NKAIN2: variants seen among roughly 807,000 people sequenced by gnomAD.
The protein encoded by NKAIN2 is sodium/potassium-transporting ATPase subunit beta-1-interacting protein 2.
A neutral mutation model predicts 32.6 loss-of-function variants in NKAIN2; 14 were observed. That is an observed-to-expected ratio of 0.43 (90% CI 0.28 to 0.67). The LOEUF (loss-of-function observed/expected upper bound fraction) is 0.67. Ranked by LOEUF, NKAIN2 falls within the 30% of genes least tolerant of loss-of-function variation. The pLI, the probability that NKAIN2 is intolerant of heterozygous loss-of-function variation, is 0.17. For synonymous variants in NKAIN2, 80 were observed against 87.2 expected, an observed-to-expected ratio of 0.92 and a Z score of 0.46; for missense variants, 198 against 258.3, an observed-to-expected ratio of 0.77 and a Z score of 1.60.
At chr6:124,804,723 G>A (rs1242705162) in intron 5 of NKAIN2, among the ~76,000 whole-genome samples, 1 of 152,218 alleles carries the variant, frequency 6.6e-6, no homozygotes, top group African/African-American at 2.4e-5. Flanking sequence ...AGGGATCAGG[G>A]AGTTCCCTTT....
At chr6:123,934,482 C>T (rs1282256782) in intron 1 of NKAIN2, among the ~76,000 whole-genome samples, 2 of 152,156 alleles carry the variant, frequency 1.3e-5, no homozygotes, top group East Asian at 3.9e-4. Context: ...GACTTAGGTT[C>T]TAGCCATTTA....
At chr6:124,356,136 G>C (rs752033981) in intron 3 of NKAIN2, among the ~76,000 whole-genome samples, 1 of 152,104 alleles carries the variant, frequency 6.6e-6, no homozygotes, top group Non-Finnish European at 1.5e-5. Flanking sequence ...CCCTGTATTA[G>C]AGCAGAAGGC....
At chr6:124,162,170 G>A (rs373848046) in intron 1 of NKAIN2, among the ~76,000 whole-genome samples, 14 of 151,974 alleles carry the variant, frequency 9.2e-5, no homozygotes, top group South Asian at 8.3e-4. Context: ...TGCCCTTGGT[G>A]GTGAAAGAGA....
chr6:124,391,150 G>C (rs1773125502), intron 3 of NKAIN2: 1 of 152,094 alleles, frequency 6.6e-6, no homozygotes, highest in African/African-American at 2.4e-5. Context: ...TTAAAGCCTT[G>C]CTATCCAGGA....
chr6:124,819,017 G>A (rs1004759110), intron 6 of NKAIN2: 3 of 215,318 alleles, frequency 1.4e-5, no homozygotes, highest in Non-Finnish European at 2.4e-5. Flanking sequence ...GAAATTTATC[G>A]AACCCTTAAC....
intron 1 of NKAIN2, among the ~76,000 whole-genome samples, chr6:124,121,331 A>G (rs1785868266): frequency 6.6e-6 from 1 of 152,094 alleles, no homozygotes; most frequent in African/African-American, 2.4e-5. Context: ...GATGGAGAAG[A>G]AATACACAAA....
intron 4 of NKAIN2, among the ~76,000 whole-genome samples, chr6:124,739,720 G>A (rs1338697360): frequency 1.3e-5 from 2 of 151,850 alleles, no homozygotes; most frequent in African/African-American, 4.8e-5. Flanking sequence ...GGTCACAAAC[G>A]AAGATGAAGA....
intron 3 of NKAIN2, among the ~76,000 whole-genome samples, chr6:124,388,001 A>G (rs1258719154): frequency 6.6e-6 from 1 of 152,054 alleles, no homozygotes; most frequent in Non-Finnish European, 1.5e-5. Flanking sequence ...AGGTGCTACT[A>G]TCATGTAGTG....
At chr6:123,815,344 G>T (rs183706171) in intron 1 of NKAIN2, among the ~76,000 whole-genome samples, 10 of 151,996 alleles carry the variant, frequency 6.6e-5, no homozygotes, top group Admixed American at 6.6e-4. Context: ...TGGATGTCTG[G>T]GTCATTTTGC....
intron 1 of NKAIN2, among the ~76,000 whole-genome samples, chr6:123,834,279 T>C (rs970565486): frequency 3.0e-4 from 46 of 152,046 alleles, no homozygotes; most frequent in Admixed American, 2.9e-3. Flanking sequence ...CTCAGCTTCC[T>C]GAATAGCTGG....
chr6:124,497,008 C>T (rs1778087734), intron 3 of NKAIN2, among the ~76,000 whole-genome samples: 1 of 152,034 alleles, frequency 6.6e-6, no homozygotes, highest in African/African-American at 2.4e-5. Context: ...CTAATGCCAC[C>T]ATCTCACTGC....
intron 1 of NKAIN2, among the ~76,000 whole-genome samples, chr6:124,005,241 C>A (rs117966992): frequency 1.1e-3 from 170 of 151,984 alleles, no homozygotes; most frequent in Non-Finnish European, 2.0e-3. Context: ...CAAAACAAAA[C>A]GAAACAAAAC....
At chr6:124,376,763 A>G (rs1176098239) in intron 3 of NKAIN2, among the ~76,000 whole-genome samples, 3 of 152,128 alleles carry the variant, frequency 2.0e-5, no homozygotes, top group Admixed American at 6.6e-5. Flanking sequence ...TCTACTATAA[A>G]TATCATTTAT....
In NKAIN2 at chr6:124,580,049, T is replaced by C. The variant is rs138396597; in HGVS notation, c.274-78137T>C. Among the ~76,000 whole-genome samples, 48 of 152,318 alleles carry C rather than the reference T, an allele frequency of 3.2e-4. No individual in the cohort carries two copies. The East Asian group carries it at 8.7e-3, about 28-fold the overall frequency. On this transcript the variant is annotated intron_variant, in intron 3 of 6. Coordinates refer to ENST00000368417, the MANE Select transcript of NKAIN2 (RefSeq NM_001040214.3). ...CCTAGACAAACAAAAGCTGAGGGAC[T>C]TCATCAACACCAGACCTGCCCTACA...
At chr6:124,723,782 A>G (rs1452916814) in intron 4 of NKAIN2, among the ~76,000 whole-genome samples, 1 of 152,218 alleles carries the variant, frequency 6.6e-6, no homozygotes, top group Non-Finnish European at 1.5e-5. Context: ...ATTTTAAACT[A>G]CTTGTGCTGA....
chr6:124,057,522 G>C (rs1159587912), intron 1 of NKAIN2, among the ~76,000 whole-genome samples: 3 of 152,004 alleles, frequency 2.0e-5, no homozygotes. Context: ...GACTCAGGCA[G>C]TAATTTGTTC....
intron 1 of NKAIN2, among the ~76,000 whole-genome samples, chr6:124,087,977 C>T (rs76949831): frequency 0.019 from 2,941 of 152,068 alleles, 86 homozygotes; most frequent in African/African-American, 0.064. Flanking sequence ...TTTACTACAA[C>T]TATTAGAGAG....
chr6:124,008,115 T>C (rs1053383899), intron 1 of NKAIN2, among the ~76,000 whole-genome samples: 3 of 152,144 alleles, frequency 2.0e-5, no homozygotes, highest in African/African-American at 4.8e-5. Context: ...GCAGAGTACA[T>C]GGCCAGGGTA....
rs573495042 is a variant in NKAIN2 at position 124,484,747 on chromosome 6, A to G, written c.273+129400A>G. On this transcript the variant is annotated intron_variant, in intron 3 of 6. Transcript: ENST00000368417. ...TTTTCATAGGCAAGAGAATATATCC[A>G]TAAATACATACTTGTAAACATGCAT... Among the ~76,000 whole-genome samples the G allele has an allele frequency of 2.6e-5, 4 of 152,298 alleles. No individual in the cohort carries two copies. The South Asian group carries it at 8.3e-4, about 32-fold the overall frequency.
Sources: gnomAD v4.1 joint callset for allele counts (sites outside exome capture counted in the v4.1 genomes callset) on GRCh38, gnomAD v4.1.1 for gene constraint, MANE v1.5 for transcripts, NCBI Gene and HGNC (gene_info 2026-07-23, HGNC 2026-07-21) for gene names.